The following CSMD2 variants were observed in gnomAD, a reference collection of about 807,000 sequenced individuals.
The protein encoded by CSMD2 is CUB and Sushi multiple domains 2, also known as CUB and sushi domain-containing protein 2.
In CSMD2, 130 loss-of-function variants were observed where a neutral mutation model predicts 398.5. The observed-to-expected ratio is 0.33, with a 90% CI of 0.28 to 0.38. The LOEUF (loss-of-function observed/expected upper bound fraction) is 0.38. CSMD2 is among the 10% of genes least tolerant of loss of function. The probability of loss-of-function intolerance (pLI) is 1.00; values close to 1 mark genes in which losing one functional copy is unlikely to be tolerated. For missense variants in CSMD2, 3,829 were observed against 4,764.9 expected (o/e 0.80, Z 5.78); for synonymous variants, 1,828 against 1,908.5 (o/e 0.96, Z 1.10).
chr1:33,786,907 CA>C (rs1446883324), intron 12 of CSMD2, among the ~76,000 whole-genome samples: 1 of 152,120 alleles, frequency 6.6e-6, no homozygotes, highest in Non-Finnish European at 1.5e-5. Flanking sequence ...CTGTGTTCCC[CA>C]AAAAGACGTG....
At chr1:33,709,319 T>C in intron 21 of CSMD2, 61 bp from the exon 22 acceptor site, 1 of 1,456,394 alleles carries the variant, frequency 6.9e-7, no homozygotes, top group Non-Finnish European at 9.4e-7. Context: ...AGAAAGCAAC[T>C]CACAGCTCTG....
At chr1:34,138,386 T>C (rs1352190089) in intron 1 of CSMD2, among the ~76,000 whole-genome samples, 2 of 152,252 alleles carry the variant, frequency 1.3e-5, no homozygotes, top group East Asian at 1.9e-4. Context: ...CAAATCCTGC[T>C]ACACCACTTG....
chr1:33,648,687 A>C (rs1270684818), intron 28 of CSMD2, among the ~76,000 whole-genome samples: 1 of 152,180 alleles, frequency 6.6e-6, no homozygotes, highest in Non-Finnish European at 1.5e-5. Flanking sequence ...TTTAGCAGTA[A>C]AGTGCCTGGA....
chr1:33,674,496 C>G (rs1462362464), intron 25 of CSMD2, among the ~76,000 whole-genome samples: 1 of 152,136 alleles, frequency 6.6e-6, no homozygotes, highest in Non-Finnish European at 1.5e-5. Flanking sequence ...TAGACTCTCA[C>G]ACAATAATAA....
rs1642578024 is a variant in CSMD2, at chr1:33,633,292, G to C, written c.5200+130C>G. 7.1e-6 allele frequency: 5 copies of C among 704,364 alleles called. No individual in the cohort carries two copies. Among genetic ancestry groups the C allele is most frequent in the Non-Finnish European group, 1.2e-5 (5 of 404,890 alleles). 43.6% of individuals were successfully genotyped at this position (704,364 alleles called of 1,614,324 possible). On this transcript the variant is annotated intron_variant, in intron 32 of 70. Transcript: ENST00000373381. The surrounding 1 kb of genome is among the most constrained non-coding windows in gnomAD (Gnocchi z 5.0). ...GCTGCTGCGTTGTAGACAAGCACCAGAACACGACAGGCACGCAGAGCCGTA... is the reference window on the plus strand; with the variant it reads ...GCTGCTGCGTTGTAGACAAGCACCACAACACGACAGGCACGCAGAGCCGTA...
intron 1 of CSMD2, among the ~76,000 whole-genome samples, chr1:34,125,420 C>T (rs530349184): frequency 4.4e-4 from 67 of 152,160 alleles, no homozygotes; most frequent in South Asian, 1.0e-3. Context: ...TTCATTTGGA[C>T]GGCAGGTATG....
chr1:33,694,046 C>G (rs182675483), intron 24 of CSMD2, among the ~76,000 whole-genome samples: 1 of 151,698 alleles, frequency 6.6e-6, no homozygotes, highest in Non-Finnish European at 1.5e-5. Context: ...GCAACAAATG[C>G]GAAACTCCAT....
intron 1 of CSMD2, among the ~76,000 whole-genome samples, chr1:34,161,476 A>G (rs60765390): frequency 7.5e-4 from 115 of 152,342 alleles, no homozygotes; most frequent in African/African-American, 2.7e-3. Context: ...AGGGAGGGGA[A>G]TAAGTGTTAG....
At chr1:33,764,835 G>T (rs922177738) in intron 13 of CSMD2, among the ~76,000 whole-genome samples, 1 of 152,198 alleles carries the variant, frequency 6.6e-6, no homozygotes, top group African/African-American at 2.4e-5. Flanking sequence ...GTTTGAAATT[G>T]CATTTGTCCT....
chr1:33,747,476 A>G (rs9943159), intron 13 of CSMD2, among the ~76,000 whole-genome samples: 48,884 of 152,094 alleles, frequency 0.32, 9,643 homozygotes, highest in African/African-American at 0.56. Flanking sequence ...AAAGATGTTA[A>G]GTGTAATTAG....
At chr1:33,797,986 C>G (rs1655144376) in intron 10 of CSMD2, among the ~76,000 whole-genome samples, 1 of 152,210 alleles carries the variant, frequency 6.6e-6, no homozygotes, top group Non-Finnish European at 1.5e-5. Context: ...AGTGCCGACC[C>G]TGATGCAGGA....
At chr1:33,784,600 C>T (rs538338206) in intron 12 of CSMD2, among the ~76,000 whole-genome samples, 1 of 152,184 alleles carries the variant, frequency 6.6e-6, no homozygotes, top group African/African-American at 2.4e-5. Context: ...CCTTACAGAG[C>T]CACCTCATTT....
intron 62 of CSMD2, 78 bp downstream of exon 62, chr1:33,536,944 G>T: frequency 7.1e-7 from 1 of 1,402,632 alleles, no homozygotes. Context: ...CCTGAGGAAG[G>T]TCTCTGGGTC....
intron 55 of CSMD2, among the ~76,000 whole-genome samples, chr1:33,556,202 A>G (rs995780077): frequency 1.6e-4 from 25 of 152,190 alleles, no homozygotes; most frequent in African/African-American, 5.8e-4. Context: ...AGAAAAAACA[A>G]TTTGAGTCCA....
intron 12 of CSMD2, among the ~76,000 whole-genome samples, chr1:33,779,195 C>T (rs1652379585): frequency 6.6e-6 from 1 of 152,260 alleles, no homozygotes; most frequent in Non-Finnish European, 1.5e-5. Context: ...CTTGCCTACC[C>T]CTCCCACCCC....
chr1:34,038,433 ATCT>A (rs1173961103), intron 2 of CSMD2, among the ~76,000 whole-genome samples: 1 of 152,130 alleles, frequency 6.6e-6, no homozygotes, highest in Non-Finnish European at 1.5e-5. Context: ...AACAATACTC[ATCT>A]TCTGCTTTAC....
chr1:33,915,348 C>T (rs1275741593), intron 5 of CSMD2, among the ~76,000 whole-genome samples: 2 of 152,182 alleles, frequency 1.3e-5, no homozygotes, highest in African/African-American at 4.8e-5. Context: ...GCTGATTCTT[C>T]CCACACATAC....
chr1:33,602,585 G>A (rs527852513), intron 42 of CSMD2, 39 bp from the exon 43 acceptor site: 62 of 1,488,748 alleles, frequency 4.2e-5, no homozygotes, highest in African/African-American at 3.8e-4. Flanking sequence ...GCAGGGCCTC[G>A]GTACCCACCT....
intron 1 of CSMD2, among the ~76,000 whole-genome samples, chr1:34,141,062 C>T (rs991007211): frequency 6.6e-6 from 1 of 152,014 alleles, no homozygotes; most frequent in Non-Finnish European, 1.5e-5. Context: ...TCCTGGGATA[C>T]ATCCCACTCC....
Sources: allele counts gnomAD v4.1 joint callset (sites outside exome capture counted in the v4.1 genomes callset), GRCh38; gene constraint gnomAD v4.1.1; non-coding constraint Gnocchi (gnomAD v3.1); transcripts MANE v1.5; gene names NCBI Gene and HGNC (gene_info 2026-07-23, HGNC 2026-07-21).